NAV3: variants seen among roughly 807,000 people sequenced by gnomAD.
NAV3 encodes the protein neuron navigator 3.
In NAV3, 87 loss-of-function variants were observed where a neutral mutation model predicts 244.7. The observed-to-expected ratio is 0.36, with a 90% CI of 0.30 to 0.42. The LOEUF is 0.42. Among genes scored for constraint, NAV3 ranks in the 20% least tolerant of loss-of-function variants. The pLI is 1.00. For synonymous variants in NAV3, 1,126 were observed against 1,042.2 expected (o/e 1.08, Z -1.55); for missense variants, 2,663 against 2,893.3 (o/e 0.92, Z 1.83).
intron 2 of NAV3, among the ~76,000 whole-genome samples, chr12:77,630,353 C>T (rs988641938): frequency 2.0e-5 from 3 of 152,160 alleles, no homozygotes; most frequent in Non-Finnish European, 4.4e-5. Context: ...CAAATTATTA[C>T]TTCTAACCAC....
intron 22 of NAV3, among the ~76,000 whole-genome samples, chr12:78,153,535 G>C (rs891426500): frequency 2.8e-4 from 42 of 152,074 alleles, no homozygotes; most frequent in Admixed American, 2.6e-3. Flanking sequence ...AAGCCAGATA[G>C]CCTCTGGCCT....
rs573187144 is a variant in NAV3 at position 77,655,696 on chromosome 12, T to C, written c.72+83430T>C. Among the ~76,000 whole-genome samples, 141 of 151,916 alleles carry C rather than the reference T, an allele frequency of 9.3e-4. 1 individual carries two copies. Among genetic ancestry groups the C allele is most frequent in the African/African-American group, 3.2e-3 (133 of 41,422 alleles). ...GAAATGAAGGAAAAAATGTTAAGGG[T>C]AGCCAGAGAGAAAGGTCGGGTTACC... On this transcript the variant is annotated intron_variant, in intron 2 of 8. Coordinates refer to the NAV3 transcript ENST00000550042.
At chr12:77,824,827 G>A (rs915167466) in intron 2 of NAV3, among the ~76,000 whole-genome samples, 12 of 151,708 alleles carry the variant, frequency 7.9e-5, no homozygotes, top group Non-Finnish European at 1.3e-4. Context: ...CAGGAGGCAG[G>A]GATTCCCGTG....
chr12:77,886,291 G>A (rs1883282120), intron 1 of NAV3, among the ~76,000 whole-genome samples: 1 of 152,084 alleles, frequency 6.6e-6, no homozygotes, highest in Non-Finnish European at 1.5e-5. Flanking sequence ...TCTTTATACA[G>A]CCTGCTGTTT....
At chr12:77,610,942 C>G (rs1403117086) in intron 2 of NAV3, among the ~76,000 whole-genome samples, 1 of 150,752 alleles carries the variant, frequency 6.6e-6, no homozygotes, top group Non-Finnish European at 1.5e-5. Flanking sequence ...AAAAACTAAA[C>G]CTTTGGGAAT....
intron 2 of NAV3, among the ~76,000 whole-genome samples, chr12:77,665,753 A>G (rs1307197592): frequency 1.3e-5 from 2 of 152,210 alleles, no homozygotes; most frequent in East Asian, 3.8e-4. Context: ...ACTGAGGCTC[A>G]GTCAGTAATT....
chr12:77,698,105 G>A (rs531895895), intron 2 of NAV3, among the ~76,000 whole-genome samples: 40 of 152,076 alleles, frequency 2.6e-4, no homozygotes, highest in Non-Finnish European at 4.9e-4. Flanking sequence ...GTATCTAAAG[G>A]CGATAGAGAA....
chr12:77,994,942 A>G, intron 6 of NAV3, 71 bp downstream of exon 6: 2 of 1,176,316 alleles, frequency 1.7e-6, no homozygotes, highest in Non-Finnish European at 2.4e-6. Context: ...ATTTTGTCCT[A>G]TCTTTTTTTT....
intron 2 of NAV3, among the ~76,000 whole-genome samples, chr12:77,719,599 T>A (rs976262278): frequency 6.6e-6 from 1 of 152,140 alleles, no homozygotes; most frequent in African/African-American, 2.4e-5. Flanking sequence ...ATAACATTGA[T>A]TGAGTTACAT....
intron 1 of NAV3, among the ~76,000 whole-genome samples, chr12:77,900,759 G>A (rs1469648702): frequency 2.6e-5 from 4 of 152,074 alleles, no homozygotes; most frequent in Admixed American, 2.6e-4. Context: ...CAAATAAATG[G>A]TAGTTCTCTT....
intron 2 of NAV3, among the ~76,000 whole-genome samples, chr12:77,815,824 C>G (rs567522711): frequency 5.9e-5 from 9 of 152,198 alleles, no homozygotes; most frequent in Admixed American, 4.6e-4. Flanking sequence ...TGGTACTTAG[C>G]AACTTTTAGA....
intron 2 of NAV3, among the ~76,000 whole-genome samples, chr12:77,796,015 T>C (rs919809855): frequency 6.6e-6 from 1 of 152,184 alleles, no homozygotes; most frequent in Non-Finnish European, 1.5e-5. Context: ...CCGTGCATGG[T>C]AACACAGAAT....
chr12:77,691,356 C>T (rs2463409), intron 2 of NAV3, among the ~76,000 whole-genome samples: 95,292 of 106,182 alleles, frequency 0.9, 43,227 homozygotes, highest in East Asian at 0.96. Flanking sequence ...TATATATATA[C>T]ATATCCATTC....
intron 12 of NAV3, among the ~76,000 whole-genome samples, chr12:78,092,653 C>T (rs1300857727): frequency 6.6e-6 from 1 of 151,820 alleles, no homozygotes; most frequent in African/African-American, 2.4e-5. Context: ...GCGCCTGCCA[C>T]CATGCCCGGC....
At chr12:78,135,166 T>C (rs1956320343) in intron 18 of NAV3, among the ~76,000 whole-genome samples, 1 of 152,218 alleles carries the variant, frequency 6.6e-6, no homozygotes, top group South Asian at 2.1e-4. Flanking sequence ...TGTCTTCTAC[T>C]GTATAGTTTT....
At chr12:77,725,380 A>G (rs1045685103) in intron 2 of NAV3, among the ~76,000 whole-genome samples, 4 of 152,018 alleles carry the variant, frequency 2.6e-5, no homozygotes, top group Admixed American at 6.6e-5. Context: ...GTGTTCATTT[A>G]TCATTTCAGC....
intron 2 of NAV3, among the ~76,000 whole-genome samples, chr12:77,754,464 G>C (rs150554922): frequency 3.2e-4 from 49 of 152,248 alleles, no homozygotes; most frequent in African/African-American, 1.2e-3. Context: ...GCTCCTGAAG[G>C]ACTGCTTTAC....
intron 34 of NAV3, among the ~76,000 whole-genome samples, chr12:78,191,330 G>A (rs1016378538): frequency 3.3e-5 from 5 of 151,990 alleles, no homozygotes; most frequent in African/African-American, 7.2e-5. Context: ...AGAGAACAGC[G>A]CAAGTAGCAA....
intron 8 of NAV3, among the ~76,000 whole-genome samples, chr12:78,008,312 G>A (rs1874604578): frequency 6.6e-6 from 1 of 150,984 alleles, no homozygotes; most frequent in Admixed American, 6.6e-5. Flanking sequence ...ATTTTTAAAT[G>A]CATTATTATG....
Sources: allele counts gnomAD v4.1 joint callset (sites outside exome capture counted in the v4.1 genomes callset), GRCh38; gene constraint gnomAD v4.1.1; transcripts MANE v1.5; gene names NCBI Gene and HGNC (gene_info 2026-07-23, HGNC 2026-07-21).